AFG1L: variants seen among roughly 807,000 people sequenced by gnomAD.
AFG1L encodes AFG1-like ATPase.
Under a neutral mutation model 62.2 loss-of-function variants are expected in AFG1L, and 53 were observed. The observed-to-expected ratio is 0.85, with a 90% CI of 0.68 to 1.07. AFG1L has a LOEUF of 1.07. Ranked by LOEUF, AFG1L falls within the 50% of genes least tolerant of loss-of-function variation. The pLI, the probability that AFG1L is intolerant of heterozygous loss-of-function variation, is 0.00. For missense variants in AFG1L, 555 were observed against 590.5 expected (o/e 0.94, Z 0.62); for synonymous variants, 228 against 210.3 (o/e 1.08, Z -0.73).
intron 6 of AFG1L, among the ~76,000 whole-genome samples, chr6:108,386,848 A>G (rs921972991): frequency 2.6e-5 from 4 of 152,202 alleles, no homozygotes; most frequent in Non-Finnish European, 5.9e-5. Flanking sequence ...TAGAGCATGA[A>G]AAGCTAAGGA....
intron 7 of AFG1L, among the ~76,000 whole-genome samples, chr6:108,405,023 C>G (rs886346853): frequency 1.3e-5 from 2 of 152,206 alleles, no homozygotes; most frequent in African/African-American, 2.4e-5. Flanking sequence ...AGCCACCACA[C>G]CTGGCCAGAT....
At chr6:108,310,164 G>C (rs56019111) in intron 1 of AFG1L, among the ~76,000 whole-genome samples, 294 of 152,180 alleles carry the variant, frequency 1.9e-3, no homozygotes, top group Non-Finnish European at 2.6e-3. Context: ...AAGCCTTCCC[G>C]GCTTTTGACC....
intron 1 of AFG1L, among the ~76,000 whole-genome samples, chr6:108,311,115 T>C (rs1360007012): frequency 6.6e-6 from 1 of 152,216 alleles, no homozygotes; most frequent in African/African-American, 2.4e-5. Context: ...CTGCTTATCA[T>C]TGCAATGCTC....
At chr6:108,450,722 T>C (rs1302003777) in intron 8 of AFG1L, among the ~76,000 whole-genome samples, 2 of 152,210 alleles carry the variant, frequency 1.3e-5, no homozygotes, top group East Asian at 1.9e-4. Flanking sequence ...CTAGCGTTTT[T>C]ATGGTTTTAG....
chr6:108,382,715 T>G (rs1438914054), intron 6 of AFG1L, among the ~76,000 whole-genome samples: 1 of 152,210 alleles, frequency 6.6e-6, no homozygotes, highest in African/African-American at 2.4e-5. Context: ...TCTGTCACAG[T>G]TATGAACACA....
chr6:108,398,293 T>C (rs1781405240), intron 6 of AFG1L, among the ~76,000 whole-genome samples: 1 of 152,224 alleles, frequency 6.6e-6, no homozygotes, highest in Admixed American at 6.5e-5. Flanking sequence ...CATCTTTTAA[T>C]CAGATTTATT....
chr6:108,428,008 T>C (rs1421954615), intron 7 of AFG1L, among the ~76,000 whole-genome samples: 1 of 152,226 alleles, frequency 6.6e-6, no homozygotes, highest in Non-Finnish European at 1.5e-5. Flanking sequence ...CATGAATGAA[T>C]TGTATAGTGG....
At chr6:108,313,648 C>T (rs1161032592) in intron 1 of AFG1L, among the ~76,000 whole-genome samples, 1 of 152,138 alleles carries the variant, frequency 6.6e-6, no homozygotes, top group African/African-American at 2.4e-5. Flanking sequence ...TCAAGTGATT[C>T]TCCCATCTCA....
intron 7 of AFG1L, among the ~76,000 whole-genome samples, chr6:108,415,738 A>G (rs1413209580): frequency 1.3e-5 from 2 of 152,238 alleles, no homozygotes; most frequent in East Asian, 3.9e-4. Flanking sequence ...CTGAAACTGG[A>G]TCCCTTCCTT....
intron 1 of AFG1L, among the ~76,000 whole-genome samples, chr6:108,323,215 G>A (rs911978589): frequency 1.4e-4 from 21 of 152,264 alleles, no homozygotes; most frequent in African/African-American, 4.8e-4. Flanking sequence ...AAGGAGATGA[G>A]GAACCCCAGT....
intron 7 of AFG1L, among the ~76,000 whole-genome samples, chr6:108,421,944 AG>A (rs1770611747): frequency 6.6e-6 from 1 of 152,146 alleles, no homozygotes; most frequent in Non-Finnish European, 1.5e-5. Flanking sequence ...CACATGAAAA[AG>A]ATGCTTGCTA....
intron 10 of AFG1L, among the ~76,000 whole-genome samples, chr6:108,499,969 G>A (rs895261717): frequency 1.3e-5 from 2 of 151,836 alleles, no homozygotes; most frequent in African/African-American, 4.8e-5. Flanking sequence ...CCTGCTTTTG[G>A]GGTCCCTAGT....
intron 6 of AFG1L, among the ~76,000 whole-genome samples, chr6:108,391,695 G>A (rs1191792188): frequency 6.6e-6 from 1 of 152,102 alleles, no homozygotes; most frequent in Non-Finnish European, 1.5e-5. Flanking sequence ...TGGTCATGAA[G>A]TCTTTGTCTA....
chr6:108,367,776 G>A (rs1779819285), intron 6 of AFG1L, among the ~76,000 whole-genome samples: 2 of 152,178 alleles, frequency 1.3e-5, no homozygotes, highest in South Asian at 4.1e-4. Context: ...GGTGAGGTAG[G>A]AGGAGAACCA....
intron 12 of AFG1L, chr6:108,521,793 C>T (rs1371307020): frequency 6.5e-6 from 1 of 152,938 alleles, no homozygotes; most frequent in Non-Finnish European, 1.5e-5. Context: ...GATCAGTTGT[C>T]CCAGCAGCTG....
chr6:108,408,184 T>C (rs1781947852), intron 7 of AFG1L, among the ~76,000 whole-genome samples: 1 of 151,368 alleles, frequency 6.6e-6, no homozygotes, highest in Non-Finnish European at 1.5e-5. Context: ...TGGAGTGCAG[T>C]GGCGTGAGGC....
chr6:108,469,000 G>A (rs943421032), intron 8 of AFG1L, among the ~76,000 whole-genome samples: 4 of 151,534 alleles, frequency 2.6e-5, no homozygotes, highest in Non-Finnish European at 1.5e-5. Context: ...CTTCCTCCAG[G>A]GTCCTTTTAA....
intron 2 of AFG1L, among the ~76,000 whole-genome samples, chr6:108,344,354 C>T (rs1391944700): frequency 6.6e-6 from 1 of 152,160 alleles, no homozygotes; most frequent in African/African-American, 2.4e-5. Flanking sequence ...CTCAAGTGAT[C>T]TGCCTGCCTT....
chr6:108,346,897 T>C, intron 2 of AFG1L, 91 bp from the exon 3 acceptor site: 1 of 948,046 alleles, frequency 1.1e-6, no homozygotes, highest in Non-Finnish European at 1.7e-6. Context: ...CCCCTCTTGG[T>C]TCTGTATATA....
Sources: gnomAD v4.1 joint callset for allele counts (sites outside exome capture counted in the v4.1 genomes callset) on GRCh38, gnomAD v4.1.1 for gene constraint, MANE v1.5 for transcripts, NCBI Gene and HGNC (gene_info 2026-07-23, HGNC 2026-07-21) for gene names.